Variants in LOXL4 observed in about 807,000 individuals in gnomAD.
The protein encoded by LOXL4 is lysyl oxidase like 4.
A neutral mutation model predicts 89.1 loss-of-function variants in LOXL4; 72 were observed. The ratio of observed to expected loss-of-function variants is 0.81; its 90% CI spans 0.67 to 0.98. LOXL4 has a LOEUF of 0.98. Among genes scored for constraint, LOXL4 ranks in the 50% least tolerant of loss-of-function variants. LOXL4 has a pLI of 0.00. For synonymous variants in LOXL4, 355 were observed against 392.1 expected, an observed-to-expected ratio of 0.91 and a Z score of 1.12; for missense variants, 984 against 1,017.5, an observed-to-expected ratio of 0.97 and a Z score of 0.45.
At position 98,252,475 on chromosome 10, in the gene LOXL4, A is replaced by T. The variant is rs1425573880; in HGVS notation, c.1836-7T>A. On this transcript the variant is annotated splice_region_variant and splice_polypyrimidine_tract_variant and intron_variant, in intron 11 of 14. Coordinates refer to ENST00000260702, the MANE Select transcript of LOXL4 (RefSeq NM_032211.7). ...CTCAATGCTGTGGTAATGCCTGCAG[A>T]AGGGGTAGAGCTGTCAGTGCGGCAG... 1.3e-6 allele frequency: 2 copies of T among 1,597,906 alleles called. No homozygotes were observed. The highest frequency in any genetic ancestry group is 4.5e-5 in the East Asian group (2 of 44,792).
At chr10:98,251,304 G>T in intron 13 of LOXL4, 128 bp from the exon 14 acceptor site, 1 of 830,744 alleles carries the variant, frequency 1.2e-6, no homozygotes, top group Non-Finnish European at 1.9e-6. Flanking sequence ...CAGGAGGTAG[G>T]TACTGATGTT....
chr10:98,250,941 C>T (rs1858172548), intron 14 of LOXL4, 124 bp downstream of exon 14: 1 of 690,194 alleles, frequency 1.4e-6, no homozygotes, highest in Non-Finnish European at 2.6e-6. Context: ...CTGTTCCATC[C>T]ATAGCCTTTT....
In LOXL4 at chr10:98,259,137, C is replaced by A. The variant is rs1858469199; in HGVS notation, c.793G>T (p.Val265Leu). ...EPHMANCQVQVAPARGKLRPA... is the reference protein window; with the variant it reads ...EPHMANCQVQLAPARGKLRPA... The stretch of plus-strand genomic sequence containing the variant: ...CGCAGCTTGCCCCGGGCTGGAGCCA[C>A]CTGCACCTGGCAGTTGGCCATGTGG... The change falls in exon 6 of 15, where the codon GTG (valine) becomes TTG (leucine). Residue 265 changes from valine to leucine, a missense_variant. Physicochemically the swap from Val to Leu is conservative, Grantham distance 32. Coordinates refer to ENST00000260702, the MANE Select transcript of LOXL4 (RefSeq NM_032211.7). The A allele has an allele frequency of 6.2e-7, 1 of 1,611,306 alleles. No homozygotes were observed. The highest frequency in any genetic ancestry group is 8.5e-7 in the Non-Finnish European group (1 of 1,179,496).
In LOXL4 at chr10:98,262,185, A is replaced by G. The variant is rs1386361016; in HGVS notation, c.306T>C (p.Cys102=). ...GGTCCAAGGAGCTCTCTGTGCCCAC[A>G]CAGCGCACATTGTCCAGCCAGATGG... ...EGPIWLDNVR[C]VGTESSLDQC... The change falls in exon 3 of 15, where the codon TGT becomes TGC. Residue 102 remains cysteine (C), a synonymous_variant. Transcript: ENST00000260702. 2 of 1,613,586 alleles carry G rather than the reference A, an allele frequency of 1.2e-6. No individual in the cohort carries two copies. Among genetic ancestry groups the G allele is most frequent in the Non-Finnish European group, 8.5e-7 (1 of 1,180,008 alleles).
chr10:98,263,887 C>T (rs201092906), intron 1 of LOXL4, among the ~76,000 whole-genome samples: 9 of 152,094 alleles, frequency 5.9e-5, no homozygotes, highest in South Asian at 2.1e-4. Flanking sequence ...CCCACCACCA[C>T]GCCCAGCTAA....
chr10:98,253,612 G>A lies in LOXL4; in HGVS notation c.1776C>T (p.Gly592=). Reference sequence around the variant, plus strand: ...CAGTCTTTGGACGAAAGTCAGTCCGGCCCAGATTGTAGATCTGTGTGGAGA... The same window carrying A: ...CAGTCTTTGGACGAAAGTCAGTCCGACCCAGATTGTAGATCTGTGTGGAGA... ...LRFSTQIYNL[G]RTDFRPKTGR... is the part of the protein sequence containing the mutation. Residue 592 remains glycine (G), a synonymous_variant, in exon 11 of 15, where the codon GGC becomes GGT. Coordinates refer to ENST00000260702, the MANE Select transcript of LOXL4 (RefSeq NM_032211.7). 1 of 1,614,274 alleles carries A rather than the reference G, an allele frequency of 6.2e-7. No homozygotes were observed.
Position 98,265,553 on chromosome 10 carries a change from G to A in LOXL4, c.-32-2502C>T, listed in dbSNP as rs191939605. Among the ~76,000 whole-genome samples the A allele has an allele frequency of 1.0e-4, 13 of 130,012 alleles. 3 individuals are homozygous for A. In the South Asian group the frequency reaches 1.3e-3, roughly 13 times the overall value. 85.3% of individuals were successfully genotyped at this position (130,012 alleles called of 152,430 possible). The stretch of plus-strand genomic sequence containing the variant: ...CAAGTAGCTGGGATTACAGGCATGC[G>A]CCAACATGCCCAGCTAATTTATCTG... On this transcript the variant is annotated intron_variant, in intron 1 of 14. Transcript: ENST00000260702.
rs1274261753 is a variant in LOXL4 at position 98,262,218 on chromosome 10, G to A, written c.278-5C>T. 1.2e-6 allele frequency: 2 copies of A among 1,613,138 alleles called. No homozygotes were observed. Among genetic ancestry groups the A allele is most frequent in the South Asian group, 1.1e-5 (1 of 91,012 alleles). On this transcript the variant is annotated splice_polypyrimidine_tract_variant and splice_region_variant and intron_variant, in intron 2 of 14. Transcript: ENST00000260702. ...CATTGTCCAGCCAGATGGGTCCTGTGGAGTGGAGGTGATGCTCAAAGATGG... is the reference window on the plus strand; with the variant it reads ...CATTGTCCAGCCAGATGGGTCCTGTAGAGTGGAGGTGATGCTCAAAGATGG...
At chr10:98,261,857 G>A (rs140731435) in intron 3 of LOXL4, among the ~76,000 whole-genome samples, 178 bp downstream of exon 3, 135 of 152,362 alleles carry the variant, frequency 8.9e-4, no homozygotes, top group African/African-American at 3.1e-3. Context: ...GCCTCAGGCT[G>A]GGGCCCTCTA....
Position 98,253,310 on chromosome 10 carries a change from G to A in LOXL4, c.1835+243C>T, listed in dbSNP as rs551815423. ...ACAGAACAACTCTGCTGGCGGTGAC[G>A]CCTCTATGGGATGTTGCTGTGGGAA... On this transcript the variant is annotated intron_variant, in intron 11 of 14. Transcript: ENST00000260702. Among the ~76,000 whole-genome samples, 7 of 152,366 alleles carry A rather than the reference G, an allele frequency of 4.6e-5. No homozygotes were observed. In the East Asian group the frequency reaches 5.8e-4, roughly 13 times the overall value.
rs992774658 is a variant in LOXL4 at position 98,258,153 on chromosome 10, C to A, written c.933G>T (p.Val311=). 10 of 1,611,322 alleles carry A rather than the reference C, an allele frequency of 6.2e-6. No homozygotes were observed. In the African/African-American group the frequency reaches 1.3e-4, roughly 22 times the overall value. ...RKGSWAEEPR[V]RLRSGAQVGE... ...CCACCTGGGCCCCGGAGCGCAGGCG[C>A]ACCCTCGGCTCCTGCTGGGAGAAAC... The change falls in exon 7 of 15, where the codon GTG becomes GTT. Residue 311 remains valine (V), a synonymous_variant. Coordinates refer to ENST00000260702, the MANE Select transcript of LOXL4 (RefSeq NM_032211.7).
At chr10:98,252,225 A>G (rs1261365923) in intron 12 of LOXL4, 128 bp downstream of exon 12, 6 of 704,112 alleles carry the variant, frequency 8.5e-6, no homozygotes, top group Non-Finnish European at 1.5e-5. Context: ...CTTGAATGCT[A>G]ACTTTTCAAG....
intron 1 of LOXL4, among the ~76,000 whole-genome samples, chr10:98,267,912 G>A (rs1231478934): frequency 1.3e-5 from 2 of 152,174 alleles, no homozygotes; most frequent in Non-Finnish European, 2.9e-5. Flanking sequence ...CACTCAGGGC[G>A]GGCCTTGGGC....
rs770691435 is a variant in LOXL4, at chr10:98,257,944, C to A, written c.1105+37G>T. On this transcript the variant is annotated intron_variant, in intron 7 of 14. Transcript: ENST00000260702. ...TTCAAGACATGGACCAGTGGCATAT[C>A]CAGGCCTTCTAACCCCTCCCAGGCT... 3 of 1,607,908 alleles carry A rather than the reference C, an allele frequency of 1.9e-6. No individual in the cohort carries two copies. In the South Asian group the frequency reaches 3.3e-5, roughly 18 times the overall value.
Position 98,262,032 on chromosome 10 carries a change from C to T in LOXL4, c.456+3G>A. Reference sequence around the variant, plus strand: ...CAGACCAGAGCCTGAACAGCCTCCTCACCTGGGGCCCAAGGGCATTGGAGA... The same window carrying T: ...CAGACCAGAGCCTGAACAGCCTCCTTACCTGGGGCCCAAGGGCATTGGAGA... On this transcript the variant is annotated splice_donor_region_variant and intron_variant, in intron 3 of 14. Coordinates refer to ENST00000260702, the MANE Select transcript of LOXL4 (RefSeq NM_032211.7). 1 of 1,602,378 alleles carries T rather than the reference C, an allele frequency of 6.2e-7. No homozygotes were observed.
intron 9 of LOXL4, 55 bp from the exon 10 acceptor site, chr10:98,255,794 C>T: frequency 6.3e-7 from 1 of 1,576,576 alleles, no homozygotes. Flanking sequence ...CACCTCCTGA[C>T]TCCCATCTGA....
In LOXL4 at chr10:98,252,390, C is replaced by T. The variant is rs931008629; in HGVS notation, c.1914G>A (p.Lys638=). ...LNGSKVAEGH[K]ASFCLEDTNC... is the part of the protein sequence containing the mutation. ...TTGTGTCCTCCAGACAGAAGCTGGC[C>T]TTGTGCCCCTCAGCCACCTTGGAGC... Residue 638 remains lysine (K), a synonymous_variant, in exon 12 of 15, where the codon AAG becomes AAA. Coordinates refer to ENST00000260702, the MANE Select transcript of LOXL4 (RefSeq NM_032211.7). The T allele has an allele frequency of 1.2e-6, 2 of 1,614,058 alleles. No homozygotes were observed. Among genetic ancestry groups the T allele is most frequent in the South Asian group, 1.1e-5 (1 of 91,070 alleles).
At chr10:98,264,176 G>A (rs897638346) in intron 1 of LOXL4, among the ~76,000 whole-genome samples, 1 of 151,346 alleles carries the variant, frequency 6.6e-6, no homozygotes, top group Admixed American at 6.6e-5. Flanking sequence ...ACTTGCTTCA[G>A]GCCAGGTGCT....
intron 1 of LOXL4, 115 bp from the exon 2 acceptor site, chr10:98,263,166 G>GTA (rs967099256): frequency 6.8e-6 from 5 of 730,534 alleles, no homozygotes; most frequent in Non-Finnish European, 1.1e-5. Context: ...TCAAATGTGT[G>GTA]TGTGTGTGCA....
Sources: allele counts gnomAD v4.1 joint callset (sites outside exome capture counted in the v4.1 genomes callset), GRCh38; gene constraint gnomAD v4.1.1; transcripts MANE v1.5; gene names NCBI Gene and HGNC (gene_info 2026-07-23, HGNC 2026-07-21).